TTN: variants seen among roughly 807,000 people sequenced by gnomAD.
TTN encodes the protein connectin.
A neutral mutation model predicts 3,223.0 loss-of-function variants in TTN; 1,525 were observed. The ratio of observed to expected loss-of-function variants is 0.47; its 90% CI spans 0.45 to 0.49. The LOEUF is 0.49. Ranked by LOEUF, TTN falls within the 20% of genes least tolerant of loss-of-function variation. TTN has a pLI of 0.00. For synonymous variants in TTN, 14,094 were observed against 15,161.0 expected (o/e 0.93, Z 5.17); for missense variants, 40,786 against 43,424.0 (o/e 0.94, Z 5.40).
rs2154208648 is a variant in TTN, at chr2:178,617,334, C to T, written c.47751G>A (p.Leu15917=). 6.4e-7 allele frequency: 1 copy of T among 1,574,540 alleles called. No individual in the cohort carries two copies. Among genetic ancestry groups the T allele is most frequent in the Non-Finnish European group, 8.6e-7 (1 of 1,164,188 alleles). ...IRCNMKLVPE[L]TYKVTGLEKG... ...TATGCAAATGACCTACCTTGTAAGT[C>T]AGTTCAGGGACAAGTTTCATATTGC... Residue 15917 remains leucine, a synonymous_variant, in exon 254 of 363, where the codon CTG becomes CTA. Transcript: ENST00000589042.
At chr2:178,614,388 A>G in intron 261 of TTN, 40 bp from the exon 262 acceptor site, 4 of 1,577,130 alleles carry the variant, frequency 2.5e-6, no homozygotes, top group Non-Finnish European at 3.4e-6. Flanking sequence ...AAAATTGTTC[A>G]CCATTTTTTT....
Position 178,616,517 on chromosome 2 carries a change from C to T in TTN, c.48274G>A (p.Val16092Ile). ...DGGSPLTGYV[V>I]EKREVSRKTW... ...TTCCGGCTGACTTCTCGTTTTTCAACAACGTATCCAGTTAACGGACTTCCT... is the reference window on the plus strand; with the variant it reads ...TTCCGGCTGACTTCTCGTTTTTCAATAACGTATCCAGTTAACGGACTTCCT... The change falls in exon 257 of 363, where the codon GTT becomes ATT. Residue 16092 changes from valine to isoleucine, a missense_variant. Coordinates refer to ENST00000589042, the MANE Select transcript of TTN (RefSeq NM_001267550.2). 1.2e-6 allele frequency: 2 copies of T among 1,612,366 alleles called. No homozygotes were observed. Among genetic ancestry groups the T allele is most frequent in the Non-Finnish European group, 1.7e-6 (2 of 1,178,870 alleles).
intron 24 of TTN, 21 bp downstream of exon 24, chr2:178,778,853 C>G: frequency 6.2e-7 from 1 of 1,613,542 alleles, no homozygotes; most frequent in Non-Finnish European, 8.5e-7. Flanking sequence ...ACTAAATAAC[C>G]CAAATTATTA....
intron 111 of TTN, among the ~76,000 whole-genome samples, chr2:178,699,367 A>G (rs2074361846): frequency 1.7e-5 from 2 of 116,824 alleles, no homozygotes; most frequent in South Asian, 5.5e-4. Flanking sequence ...TTTTGTATTC[A>G]TGAATAAATA....
In TTN at chr2:178,730,558, GAAC is replaced by G. The variant is rs1486050609; in HGVS notation, c.17972_17974del (p.Cys5991del). On this transcript the variant is annotated inframe_deletion, in exon 61 of 363. Coordinates refer to ENST00000589042, the MANE Select transcript of TTN (RefSeq NM_001267550.2). ...GTTGTGCCCTGCCTTATTTGTGGCA[GAAC>G]AAGTGTATGTCCCACTGTCTGTACC... The G allele has an allele frequency of 6.2e-7, 1 of 1,613,450 alleles. No homozygotes were observed. Among genetic ancestry groups the G allele is most frequent in the African/African-American group, 1.3e-5 (1 of 74,880 alleles).
rs2154268202 is a variant in TTN at position 178,677,188 on chromosome 2, T to C, written c.34378+13A>G. 3 of 1,223,330 alleles carry C rather than the reference T, an allele frequency of 2.5e-6. No individual in the cohort carries two copies. The highest frequency in any genetic ancestry group is 2.0e-6 in the Non-Finnish European group (2 of 982,364). The allele number at this position is 1,223,330 out of a possible 1,614,324, so 75.8% of individuals were successfully genotyped here. ...ATGGGTGAACAATGTGTATTCACTTTGGGGAGGTGTACCTTTGGGTGGTGG... is the reference window on the plus strand; with the variant it reads ...ATGGGTGAACAATGTGTATTCACTTCGGGGAGGTGTACCTTTGGGTGGTGG... On this transcript the variant is annotated intron_variant, in intron 147 of 362. Coordinates refer to ENST00000589042, the MANE Select transcript of TTN (RefSeq NM_001267550.2).
In TTN at chr2:178,625,359, G is replaced by A. The variant is rs756640775; in HGVS notation, c.44462C>T (p.Thr14821Ile). 6 of 1,597,296 alleles carry A rather than the reference G, an allele frequency of 3.8e-6. No homozygotes were observed. The Admixed American group carries it at 7.0e-5, about 19-fold the overall frequency. Residue 14821 changes from threonine (T) to isoleucine (I), a missense_variant, in exon 241 of 363, where the codon ACT becomes ATT. Thr to Ile is a moderately conservative substitution (Grantham distance 89). Transcript: ENST00000589042. ...PRSEGKVHTLTLRDVKLEDAG... is the reference protein window; with the variant it reads ...PRSEGKVHTLILRDVKLEDAG... ...ATCTTCTAACTTTACATCCCTCAGA[G>A]TAAGTGTATGAACTTTTCCTTCTGA...
intron 1 of TTN, 95 bp from the exon 2 acceptor site, chr2:178,804,750 A>G: frequency 4.4e-6 from 5 of 1,133,052 alleles, no homozygotes; most frequent in Non-Finnish European, 6.5e-6. Flanking sequence ...CTCCAAATGG[A>G]TTGCTCCATA....
rs1188641505 is a variant in TTN, at chr2:178,646,104, T to TTTTATATATATATATATATATA, written c.40298-75_40298-74insTATATATATATATATATATAAA. Reference sequence around the variant, plus strand: ...GGATATGTAGTATATTTAATAGAAATTATATATATATATATATATATATAT... The same window carrying TTTTATATATATATATATATATA: ...GGATATGTAGTATATTTAATAGAAATTTTATATATATATATATATATATATATATATATATATATATATATAT... On this transcript the variant is annotated intron_variant, in intron 216 of 362. Transcript: ENST00000589042. 6 of 37,648 alleles carry TTTTATATATATATATATATATA rather than the reference T, an allele frequency of 1.6e-4. 1 individual carries two copies. In the Admixed American group the frequency reaches 1.8e-3, roughly 12 times the overall value. 2.3% of individuals were successfully genotyped at this position (37,648 alleles called of 1,614,324 possible).
chr2:178,558,264 G>C (rs189638177), intron 327 of TTN, 29 bp from the exon 328 acceptor site: 878 of 1,589,190 alleles, frequency 5.5e-4, no homozygotes, highest in Admixed American at 9.1e-4. Flanking sequence ...AAGTGAAAGT[G>C]AAAAAGTGTT....
In TTN at chr2:178,557,466, C is replaced by T. The variant is rs936504137; in HGVS notation, c.87796G>A (p.Gly29266Ser). Residue 29266 changes from glycine (G) to serine (S), a missense_variant, in exon 329 of 363, where the codon GGC becomes AGC. Coordinates refer to ENST00000589042, the MANE Select transcript of TTN (RefSeq NM_001267550.2). Reference sequence around the variant, plus strand: ...AGGTGATAGCCTACGACTGCACTGCCTCCATTTGACACTGGTTCATGCCAG... The same window carrying T: ...AGGTGATAGCCTACGACTGCACTGCTTCCATTTGACACTGGTTCATGCCAG... The part of the protein sequence containing the change: ...VGWHEPVSNG[G>S]SAVVGYHLEM... 6.2e-7 allele frequency: 1 copy of T among 1,613,928 alleles called. No individual in the cohort carries two copies. The highest frequency in any genetic ancestry group is 8.5e-7 in the Non-Finnish European group (1 of 1,179,858).
In TTN at chr2:178,647,012, AC is replaced by A. The variant is rs1057278715; in HGVS notation, c.40222+51del. 2.8e-5 allele frequency: 19 copies of A among 669,350 alleles called. No homozygotes were observed. In the African/African-American group the frequency reaches 3.4e-4, roughly 12 times the overall value. 41.5% of individuals were successfully genotyped at this position (669,350 alleles called of 1,614,324 possible). A position where few individuals can be genotyped will look rare whatever the true frequency, so the allele number is the denominator to read the frequency against. On this transcript the variant is annotated intron_variant, in intron 215 of 362. Transcript: ENST00000589042. ...TCCTGTAAATGCTTTTGTAATTCTA[AC>A]AGGAATCTTCAGGAGATTAAAAAAA...
In TTN at chr2:178,635,464, A is replaced by G; in HGVS notation, c.41860T>C (p.Tyr13954His). The G allele has an allele frequency of 2.5e-6, 4 of 1,607,654 alleles. No individual in the cohort carries two copies. The highest frequency in any genetic ancestry group is 3.3e-4 in the Middle Eastern group (2 of 6,050). Residue 13954 changes from tyrosine to histidine, a missense_variant, in exon 227 of 363, where the codon TAC (tyrosine) becomes CAC (histidine). Tyr to His is a moderately conservative substitution (Grantham distance 83, BLOSUM62 2). Transcript: ENST00000589042. ...EYAVEIEGKR[Y>H]PAKLTLGERE... is the part of the protein sequence containing the mutation. ...CCTCCAAGTGTCAGCTTTGCAGGGTATCTTTTTCCTTCAATTTCCACTGCA... is the reference window on the plus strand; with the variant it reads ...CCTCCAAGTGTCAGCTTTGCAGGGTGTCTTTTTCCTTCAATTTCCACTGCA...
In TTN at chr2:178,704,743, G is replaced by C; in HGVS notation, c.29729C>G (p.Thr9910Arg). 6.2e-7 allele frequency: 1 copy of C among 1,610,472 alleles called. No individual in the cohort carries two copies. Among genetic ancestry groups the C allele is most frequent in the Non-Finnish European group, 8.5e-7 (1 of 1,179,486 alleles). ...GACAGCATCATTATCTTTCAAAACT[G>C]TCTGATTTTCAATGTCCTTGATCAG... ...VTLIKDIENQ[T>R]VLKDNDAVFE... is the part of the protein sequence containing the mutation. The change falls in exon 105 of 363, where the codon ACA (threonine) becomes AGA (arginine). Residue 9910 changes from threonine to arginine, a missense_variant. By Grantham distance (71) the Thr-to-Arg change is moderately conservative (BLOSUM62 -1). Coordinates refer to ENST00000589042, the MANE Select transcript of TTN (RefSeq NM_001267550.2).
In TTN at chr2:178,776,665, C is replaced by T. The variant is rs1244676379; in HGVS notation, c.5199G>A (p.Thr1733=). The change falls in exon 28 of 363, where the codon ACG becomes ACA. Residue 1733 remains threonine (T), a synonymous_variant. Coordinates refer to ENST00000589042, the MANE Select transcript of TTN (RefSeq NM_001267550.2). ...ECRLTPIGDP[T]MVVEWLHDGK... ...CATCATGGAGCCACTCCACCACCAT[C>T]GTTGGGTCACCAATGGGTGTTAGCC... The T allele has an allele frequency of 5.6e-6, 9 of 1,614,008 alleles. No homozygotes were observed. The highest frequency in any genetic ancestry group is 4.0e-5 in the African/African-American group (3 of 74,924).
rs771801125 is a variant in TTN, at chr2:178,605,654, G to A, written c.53641C>T (p.Leu17881Phe). The change falls in exon 279 of 363, where the codon CTT (leucine) becomes TTT (phenylalanine). Residue 17881 changes from leucine (L) to phenylalanine (F), a missense_variant. Transcript: ENST00000589042. ...TTACTGCGGGGCTCTTTCCAGTCAA[G>A]TGTGATAGTGGACTTTGTCCTTTCA... ...YTERTKSTIT[L>F]DWKEPRSNGG... The A allele has an allele frequency of 6.2e-7, 1 of 1,609,920 alleles. No individual in the cohort carries two copies. The highest frequency in any genetic ancestry group is 1.1e-5 in the South Asian group (1 of 90,618).
At chr2:178,752,188 T>G (rs1380769996) in intron 47 of TTN, 4 of 715,904 alleles carry the variant, frequency 5.6e-6, no homozygotes, top group Non-Finnish European at 9.0e-6. Flanking sequence ...TTTGTTCGAA[T>G]AAACGCAACA....
rs1445036438 is a variant in TTN at position 178,636,197 on chromosome 2, C to T, written c.41374G>A (p.Val13792Met). ...AAGTACAATGGCTGTCCTTTGACCA[C>T]TGTGACTTCCTCTTCCAGTGTTTTT... ...FVKTLEEEVTVVKGQPLYLSC... is the reference protein window; with the variant it reads ...FVKTLEEEVTMVKGQPLYLSC... The change falls in exon 226 of 363, where the codon GTG (valine) becomes ATG (methionine). Residue 13792 changes from valine to methionine, a missense_variant. Val to Met is a conservative substitution (Grantham distance 21, BLOSUM62 1). Coordinates refer to ENST00000589042, the MANE Select transcript of TTN (RefSeq NM_001267550.2). The surrounding 1 kb of genome is among the most constrained non-coding windows in gnomAD (Gnocchi z 4.3). The T allele has an allele frequency of 1.9e-6, 3 of 1,604,038 alleles. No individual in the cohort carries two copies. Among genetic ancestry groups the T allele is most frequent in the Non-Finnish European group, 2.6e-6 (3 of 1,173,948 alleles).
chr2:178,766,551 T>C lies in TTN; in HGVS notation c.9533A>G (p.His3178Arg), dbSNP rs1334781459. 1.2e-6 allele frequency: 2 copies of C among 1,613,958 alleles called. No individual in the cohort carries two copies. Among genetic ancestry groups the C allele is most frequent in the Non-Finnish European group, 1.7e-6 (2 of 1,180,002 alleles). ...FEVNEDDVDA[H>R]WYKDGIEINF... ...GATTTCAATGCCATCTTTATACCAG[T>C]GGGCATCAACATCGTCTTCATTGAC... The change falls in exon 41 of 363, where the codon CAC (histidine) becomes CGC (arginine). Residue 3178 changes from histidine to arginine, a missense_variant. Physicochemically the swap from His to Arg is conservative, Grantham distance 29 (BLOSUM62 0). Coordinates refer to ENST00000589042, the MANE Select transcript of TTN (RefSeq NM_001267550.2).
Sources: gnomAD v4.1 joint callset for allele counts (sites outside exome capture counted in the v4.1 genomes callset) on GRCh38, gnomAD v4.1.1 for gene constraint, Gnocchi (gnomAD v3.1) non-coding constraint, MANE v1.5 for transcripts, NCBI Gene and HGNC (gene_info 2026-07-23, HGNC 2026-07-21) for gene names.